Variants in CSMD1 observed in about 807,000 individuals in gnomAD.
CSMD1 encodes CUB and sushi domain-containing protein 1.
In CSMD1, 213 loss-of-function variants were observed where a neutral mutation model predicts 417.5. The observed-to-expected ratio is 0.51, with a 90% CI of 0.46 to 0.57. The LOEUF is 0.57. Ranked by LOEUF, CSMD1 falls within the 20% of genes least tolerant of loss-of-function variation. The pLI is 0.00. For missense variants in CSMD1, 6,923 were observed against 4,529.7 expected (o/e 1.53, Z -15.17); for synonymous variants, 2,862 against 1,736.8 (o/e 1.65, Z -16.11).
intron 7 of CSMD1, among the ~76,000 whole-genome samples, chr8:3,661,711 A>T (rs62474686): frequency 1.3e-5 from 2 of 152,002 alleles, no homozygotes; most frequent in African/African-American, 2.4e-5. Flanking sequence ...TGGTCAGGCT[A>T]GTCTCGAACT....
At chr8:4,320,745 C>A (rs907343574) in intron 3 of CSMD1, among the ~76,000 whole-genome samples, 1 of 152,076 alleles carries the variant, frequency 6.6e-6, no homozygotes. Flanking sequence ...ATTTTATTTA[C>A]CCAGTCTATC....
intron 20 of CSMD1, among the ~76,000 whole-genome samples, chr8:3,360,671 G>C (rs1809100474): frequency 6.6e-6 from 1 of 152,194 alleles, no homozygotes; most frequent in African/African-American, 2.4e-5. Flanking sequence ...ATCACTCTTA[G>C]TTTACCGTGG....
chr8:3,563,208 C>G (rs1341451001), intron 10 of CSMD1, among the ~76,000 whole-genome samples: 1 of 151,756 alleles, frequency 6.6e-6, no homozygotes, highest in Non-Finnish European at 1.5e-5. Flanking sequence ...TGTTTGTTTT[C>G]TAATGTCTTC....
chr8:4,510,390 T>TAAAAAAAAAAAAAAAAA lies in CSMD1; in HGVS notation c.303-90342_303-90326dup, dbSNP rs34791623. Among the ~76,000 whole-genome samples, 16 of 54,618 alleles carry TAAAAAAAAAAAAAAAAA rather than the reference T, an allele frequency of 2.9e-4. 1 individual carries two copies. Among genetic ancestry groups the TAAAAAAAAAAAAAAAAA allele is most frequent in the African/African-American group, 4.6e-4 (6 of 12,952 alleles). 35.8% of individuals were successfully genotyped at this position (54,618 alleles called of 152,430 possible). A position where few individuals can be genotyped will look rare whatever the true frequency, so the allele number is the denominator to read the frequency against. Reference sequence around the variant, plus strand: ...GTAGACAATTAAAAAGCATAATGCCTAAAAAAAAAAAAAAAAAAAAAAAAA... The same window carrying TAAAAAAAAAAAAAAAAA: ...GTAGACAATTAAAAAGCATAATGCCTAAAAAAAAAAAAAAAAAAAAAAAAAAAAAAAAAAAAAAAAAA... On this transcript the variant is annotated intron_variant, in intron 2 of 69. Transcript: ENST00000635120.
chr8:4,141,440 T>G (rs542966845), intron 3 of CSMD1, among the ~76,000 whole-genome samples: 1 of 151,200 alleles, frequency 6.6e-6, no homozygotes, highest in East Asian at 1.9e-4. Context: ...ATCATTTAGA[T>G]AGCATTTCAC....
At chr8:4,933,312 A>G (rs1807379074) in intron 1 of CSMD1, among the ~76,000 whole-genome samples, 1 of 152,236 alleles carries the variant, frequency 6.6e-6, no homozygotes, top group South Asian at 2.1e-4. Flanking sequence ...GTCCAGCTGT[A>G]TAATCATGCA....
intron 2 of CSMD1, among the ~76,000 whole-genome samples, chr8:4,615,215 C>A (rs544387121): frequency 1.3e-5 from 2 of 152,134 alleles, no homozygotes; most frequent in African/African-American, 2.4e-5. Flanking sequence ...GAAGGAAATA[C>A]GTGTGTGTAC....
intron 41 of CSMD1, among the ~76,000 whole-genome samples, chr8:3,121,367 G>A (rs1002400576): frequency 3.9e-5 from 6 of 152,236 alleles, no homozygotes; most frequent in East Asian, 3.9e-4. Context: ...GCAGAAAAAT[G>A]ATTGAGAACA....
At chr8:4,441,169 G>A (rs375677048) in intron 2 of CSMD1, among the ~76,000 whole-genome samples, 2 of 123,416 alleles carry the variant, frequency 1.6e-5, no homozygotes, top group East Asian at 2.6e-4. Context: ...TACAACCTTG[G>A]TTCACTGCAG....
chr8:4,994,012 C>T (rs1811621762), intron 1 of CSMD1, among the ~76,000 whole-genome samples: 1 of 152,122 alleles, frequency 6.6e-6, no homozygotes, highest in Non-Finnish European at 1.5e-5. Context: ...AACACCGCCC[C>T]GGCGGAGCAC....
chr8:4,972,523 T>C (rs1278007780), intron 1 of CSMD1, among the ~76,000 whole-genome samples: 1 of 152,160 alleles, frequency 6.6e-6, no homozygotes, highest in Non-Finnish European at 1.5e-5. Context: ...CTGCCATGAT[T>C]GTAAGTTTCC....
Position 3,179,163 on chromosome 8 carries a change from T to C in CSMD1, c.5725+1947A>G, listed in dbSNP as rs544136947. On this transcript the variant is annotated intron_variant, in intron 37 of 69. Coordinates refer to ENST00000635120, the MANE Select transcript of CSMD1 (RefSeq NM_033225.6). ...GGTTTCAACGTGTTAGCCAGGACTG[T>C]CTCGATCTCCTGACCTCGTGATCTG... is the stretch of plus-strand genomic sequence containing the variant. Among the ~76,000 whole-genome samples, 145 of 151,562 alleles carry C rather than the reference T, an allele frequency of 9.6e-4. 1 individual carries two copies. The highest frequency in any genetic ancestry group is 2.5e-3 in the African/African-American group (101 of 41,154).
intron 26 of CSMD1, among the ~76,000 whole-genome samples, chr8:3,255,818 G>C (rs1800609151): frequency 6.6e-6 from 1 of 152,250 alleles, no homozygotes; most frequent in East Asian, 1.9e-4. Context: ...TGCTTCCCGG[G>C]TGATGTGATG....
At chr8:3,802,341 C>T (rs984712732) in intron 5 of CSMD1, among the ~76,000 whole-genome samples, 4 of 152,080 alleles carry the variant, frequency 2.6e-5, no homozygotes, top group Admixed American at 6.6e-5. Context: ...TTATGTTATA[C>T]ATCTGTATAT....
chr8:4,160,997 C>G (rs958876145), intron 3 of CSMD1, among the ~76,000 whole-genome samples: 3 of 152,114 alleles, frequency 2.0e-5, no homozygotes, highest in African/African-American at 7.2e-5. Context: ...TTGGTGATCA[C>G]TTTGTCCTTC....
intron 3 of CSMD1, among the ~76,000 whole-genome samples, chr8:4,175,561 A>C (rs1234272891): frequency 2.6e-5 from 4 of 152,178 alleles, no homozygotes; most frequent in Admixed American, 2.0e-4. Flanking sequence ...ACCAGCCCTT[A>C]GATTTTTTGA....
At chr8:4,726,916 T>C (rs1452428983) in intron 1 of CSMD1, among the ~76,000 whole-genome samples, 1 of 152,172 alleles carries the variant, frequency 6.6e-6, no homozygotes, top group African/African-American at 2.4e-5. Context: ...AAATAGCTTT[T>C]TATGAATTTC....
chr8:3,345,584 C>A (rs372498429), intron 22 of CSMD1, among the ~76,000 whole-genome samples: 1 of 152,120 alleles, frequency 6.6e-6, no homozygotes, highest in Non-Finnish European at 1.5e-5. Flanking sequence ...ACAACATTTC[C>A]TAGTTATATT....
chr8:4,703,165 T>G (rs966667492), intron 1 of CSMD1, among the ~76,000 whole-genome samples: 1 of 152,180 alleles, frequency 6.6e-6, no homozygotes, highest in African/African-American at 2.4e-5. Context: ...GATCTCCATT[T>G]AAGGAGATTC....
Sources: allele counts gnomAD v4.1 joint callset (sites outside exome capture counted in the v4.1 genomes callset), GRCh38; gene constraint gnomAD v4.1.1; transcripts MANE v1.5; gene names NCBI Gene and HGNC (gene_info 2026-07-23, HGNC 2026-07-21).